FAM227A: variants seen among roughly 807,000 people sequenced by gnomAD.
FAM227A encodes the protein family with sequence similarity 227 member A.
In FAM227A, 80 loss-of-function variants were observed where a neutral mutation model predicts 74.7. The observed-to-expected ratio is 1.07, with a 90% confidence interval of 0.89 to 1.29. FAM227A has a LOEUF of 1.29. Among genes scored for constraint, FAM227A ranks in the 50% most tolerant of loss-of-function variants. FAM227A has a pLI of 0.00. For missense variants in FAM227A, 654 were observed against 683.4 expected, an observed-to-expected ratio of 0.96 and a Z score of 0.48; for synonymous variants, 237 against 241.8, an observed-to-expected ratio of 0.98 and a Z score of 0.19.
At chr22:38,628,025 CTTTG>C (rs528941155) in intron 8 of FAM227A, among the ~76,000 whole-genome samples, 286 of 151,642 alleles carry the variant, frequency 1.9e-3, no homozygotes, top group Middle Eastern at 6.8e-3. Flanking sequence ...GTACAAATTG[CTTTG>C]TTTTTCACTT....
intron 14 of FAM227A, among the ~76,000 whole-genome samples, chr22:38,598,781 C>G (rs1401062881): frequency 2.6e-5 from 4 of 152,078 alleles, no homozygotes; most frequent in East Asian, 1.9e-4. Flanking sequence ...AAATGAGGCA[C>G]AGAGAGAAGC....
In FAM227A at chr22:38,582,693, T is replaced by A; in HGVS notation, c.*3432A>T. On this transcript the variant is annotated 3_prime_UTR_variant, in exon 17 of 17. Coordinates refer to ENST00000535113, the MANE Select transcript of FAM227A (RefSeq NM_001013647.2). ...AACAAATGGTCCTGACAGACAGAAA[T>A]GCAGTTTGTCCTGGGCTTAGAAAAT... 1.1e-6 allele frequency: 1 copy of A among 920,322 alleles called. No individual in the cohort carries two copies. Among genetic ancestry groups the A allele is most frequent in the Non-Finnish European group, 1.6e-6 (1 of 617,042 alleles). The allele number at this position is 920,322 out of a possible 1,614,324, so 57.0% of individuals were successfully genotyped here.
At chr22:38,641,962 TGTGTGTGTGTGTGCGCAC>T (rs1397268517) in intron 3 of FAM227A, among the ~76,000 whole-genome samples, 2 of 143,422 alleles carry the variant, frequency 1.4e-5, no homozygotes, top group East Asian at 2.0e-4. Flanking sequence ...TGTGTGTGTG[TGTGTGTGTGTGTGCGCAC>T]GTGTGTGTGC....
At position 38,582,090 on chromosome 22, in the gene FAM227A, A is replaced by T; in HGVS notation, c.*4035T>A. ...TATCGAAGTATAATTGACATATGAG[A>T]AACTGCACACATTTAAAGTGTATTT... On this transcript the variant is annotated 3_prime_UTR_variant, in exon 17 of 17. Coordinates refer to ENST00000535113, the MANE Select transcript of FAM227A (RefSeq NM_001013647.2). 2.4e-6 allele frequency: 1 copy of T among 410,914 alleles called. No individual in the cohort carries two copies. Among genetic ancestry groups the T allele is most frequent in the East Asian group, 4.0e-5 (1 of 25,000 alleles). 25.5% of individuals were successfully genotyped at this position (410,914 alleles called of 1,614,324 possible).
intron 11 of FAM227A, among the ~76,000 whole-genome samples, chr22:38,614,427 T>C (rs564709837): frequency 1.3e-4 from 20 of 152,298 alleles, no homozygotes; most frequent in Admixed American, 1.2e-3. Flanking sequence ...ATTTCCACTG[T>C]GCAAATCCCT....
Position 38,581,245 on chromosome 22 carries a change from A to G in FAM227A, c.*4880T>C, listed in dbSNP as rs2090704519. ...CTTTCTGACAGGATCCTTGTCTTTGATAGCTTCCTTGGTGTTAAGTGTGAT... is the reference window on the plus strand; with the variant it reads ...CTTTCTGACAGGATCCTTGTCTTTGGTAGCTTCCTTGGTGTTAAGTGTGAT... On this transcript the variant is annotated 3_prime_UTR_variant, in exon 17 of 17. Coordinates refer to ENST00000535113, the MANE Select transcript of FAM227A (RefSeq NM_001013647.2). 6.6e-6 allele frequency: 1 copy of G among 152,094 alleles called. No individual in the cohort carries two copies. Among genetic ancestry groups the G allele is most frequent in the African/African-American group, 2.4e-5 (1 of 41,418 alleles). The allele number at this position is 152,094 out of a possible 1,614,324, so 9.4% of individuals were successfully genotyped here. A position where few individuals can be genotyped will look rare whatever the true frequency, so the allele number is the denominator to read the frequency against.
intron 8 of FAM227A, among the ~76,000 whole-genome samples, chr22:38,627,230 A>G (rs2091828437): frequency 6.6e-6 from 1 of 152,028 alleles, no homozygotes; most frequent in Non-Finnish European, 1.5e-5. Flanking sequence ...CACATTTTAA[A>G]TTTTAAAATT....
chr22:38,611,560 A>G (rs570988058), intron 11 of FAM227A, among the ~76,000 whole-genome samples: 1 of 152,298 alleles, frequency 6.6e-6, no homozygotes, highest in Non-Finnish European at 1.5e-5. Context: ...ATCTATAAGA[A>G]TCAATACCAG....
intron 11 of FAM227A, among the ~76,000 whole-genome samples, chr22:38,613,218 TG>T (rs1457928387): frequency 1.7e-5 from 1 of 58,644 alleles, no homozygotes; most frequent in African/African-American, 7.3e-5. Context: ...ATATCTATGC[TG>T]TATATATATT....
At chr22:38,608,155 CAAAAAAAAAAAA>C (rs35387385) in intron 11 of FAM227A, among the ~76,000 whole-genome samples, 1 of 76,876 alleles carries the variant, frequency 1.3e-5, no homozygotes, top group African/African-American at 4.7e-5. Flanking sequence ...CTTTTCTCTA[CAAAAAAAAAAAA>C]AAAAAAAAAA....
At chr22:38,599,620 C>T (rs1188046727) in intron 14 of FAM227A, 144 bp downstream of exon 14, 8 of 647,156 alleles carry the variant, frequency 1.2e-5, no homozygotes, top group South Asian at 7.0e-5. Context: ...CCCTGAGGCT[C>T]GCACCACTGG....
intron 15 of FAM227A, among the ~76,000 whole-genome samples, chr22:38,593,521 A>G (rs549573809): frequency 6.6e-6 from 1 of 152,220 alleles, no homozygotes; most frequent in South Asian, 2.1e-4. Context: ...AAAACAAAAC[A>G]AAACAAAAAA....
At chr22:38,608,523 C>T (rs558206496) in intron 11 of FAM227A, among the ~76,000 whole-genome samples, 4 of 151,982 alleles carry the variant, frequency 2.6e-5, no homozygotes, top group South Asian at 2.1e-4. Flanking sequence ...CTTTGCCTCC[C>T]GGGTTCAAGC....
In FAM227A at chr22:38,582,965, GGGA is replaced by G. The variant is rs1429769435; in HGVS notation, c.*3157_*3159del. 1.3e-6 allele frequency: 2 copies of G among 1,549,898 alleles called. No homozygotes were observed. Among genetic ancestry groups the G allele is most frequent in the Admixed American group, 2.0e-5 (1 of 50,954 alleles). On this transcript the variant is annotated 3_prime_UTR_variant, in exon 17 of 17. Transcript: ENST00000535113. ...TGATGTTGGCAGTTAACAAAGAGGAGGGAGGAGAAGGCATTTTCAGGTCCAGAA... is the reference window on the plus strand; with the variant it reads ...TGATGTTGGCAGTTAACAAAGAGGAGGGAGAAGGCATTTTCAGGTCCAGAA...
At position 38,585,947 on chromosome 22, in the gene FAM227A, ACTC is replaced by A. The variant is rs1425387137; in HGVS notation, c.*175_*177del. On this transcript the variant is annotated 3_prime_UTR_variant, in exon 17 of 17. Coordinates refer to ENST00000535113, the MANE Select transcript of FAM227A (RefSeq NM_001013647.2). The stretch of plus-strand genomic sequence containing the variant: ...GTAGTGACCCAAGCACCAACTCTCT[ACTC>A]CTGCTTTTCACTCAGCCTAGGAAAA... The A allele has an allele frequency of 2.8e-6, 4 of 1,423,412 alleles. No homozygotes were observed. The highest frequency in any genetic ancestry group is 1.9e-4 in the Middle Eastern group (1 of 5,144). 88.2% of individuals were successfully genotyped at this position (1,423,412 alleles called of 1,614,324 possible).
rs537875615 is a variant in FAM227A, at chr22:38,620,220, G to A, written c.1030C>T (p.His344Tyr). 4 of 1,550,582 alleles carry A rather than the reference G, an allele frequency of 2.6e-6. No homozygotes were observed. The highest frequency in any genetic ancestry group is 2.0e-5 in the Admixed American group (1 of 50,978). The change falls in exon 11 of 17, where the codon CAC becomes TAC. Residue 344 changes from histidine to tyrosine, a missense_variant. By Grantham distance (83) the His-to-Tyr change is moderately conservative. Transcript: ENST00000535113. ...QKPAQSRKFY[H>Y]PQSSSANSPS... The stretch of plus-strand genomic sequence containing the variant: ...CGTGCCTCCCCACTTACCTGAGGGT[G>A]GTAGAATTTCCTGCTCTGGGCTGGC...
chr22:38,610,349 G>A (rs781739057), intron 11 of FAM227A, among the ~76,000 whole-genome samples: 1 of 152,182 alleles, frequency 6.6e-6, no homozygotes, highest in African/African-American at 2.4e-5. Flanking sequence ...ATTCTTAACA[G>A]GCCTCAGAGA....
intron 11 of FAM227A, among the ~76,000 whole-genome samples, chr22:38,614,432 A>G (rs1056193083): frequency 1.3e-5 from 2 of 152,150 alleles, no homozygotes; most frequent in African/African-American, 4.8e-5. Context: ...CACTGTGCAA[A>G]TCCCTAACAC....
At position 38,584,399 on chromosome 22, in the gene FAM227A, A is replaced by T. The variant is rs1208580094; in HGVS notation, c.*1726T>A. The T allele has an allele frequency of 1.3e-5, 2 of 152,186 alleles. No individual in the cohort carries two copies. Among genetic ancestry groups the T allele is most frequent in the Non-Finnish European group, 2.9e-5 (2 of 68,030 alleles). 9.4% of individuals were successfully genotyped at this position (152,186 alleles called of 1,614,324 possible). ...AGATAATGTCTAAACCAGACTTAGC[A>T]GAGCACTCAGCACATACTAAGTACT... On this transcript the variant is annotated 3_prime_UTR_variant, in exon 17 of 17. Coordinates refer to ENST00000535113, the MANE Select transcript of FAM227A (RefSeq NM_001013647.2).
Sources: allele counts gnomAD v4.1 joint callset (sites outside exome capture counted in the v4.1 genomes callset), GRCh38; gene constraint gnomAD v4.1.1; transcripts MANE v1.5; gene names NCBI Gene and HGNC (gene_info 2026-07-23, HGNC 2026-07-21).